RXFP1: variants seen among roughly 807,000 people sequenced by gnomAD.
RXFP1 encodes the protein relaxin family peptide receptor 1, also known as relaxin receptor 1.
In RXFP1, 73 loss-of-function variants were observed where a neutral mutation model predicts 89.8. That is an observed-to-expected ratio of 0.81 (90% CI 0.67 to 0.99). The LOEUF (loss-of-function observed/expected upper bound fraction) is 0.99, where lower values mean the gene tolerates loss of function less well. RXFP1 is among the 50% of genes least tolerant of loss of function. The pLI is 0.00. For synonymous variants in RXFP1, 277 were observed against 305.5 expected (o/e 0.91, Z 0.97); for missense variants, 793 against 895.5 (o/e 0.89, Z 1.46).
chr4:158,541,885 T>C (rs528938633), intron 1 of RXFP1, among the ~76,000 whole-genome samples: 10 of 151,748 alleles, frequency 6.6e-5, no homozygotes, highest in African/African-American at 2.4e-4. Flanking sequence ...TTACATCCTT[T>C]ATGCGGGGTG....
At chr4:158,638,810 TC>T (rs1769754023) in intron 13 of RXFP1, among the ~76,000 whole-genome samples, 2 of 26,810 alleles carry the variant, frequency 7.5e-5, no homozygotes, top group African/African-American at 1.4e-4. Flanking sequence ...AGACCCTGTC[TC>T]AAAAAAAAAA....
chr4:158,536,375 T>G (rs4691510), intron 1 of RXFP1, among the ~76,000 whole-genome samples: 141,259 of 152,122 alleles, frequency 0.93, 66,454 homozygotes, highest in East Asian at 1. Flanking sequence ...CCTTTATAAA[T>G]GACACCTTAA....
chr4:158,556,580 A>C (rs1261683442), intron 1 of RXFP1, among the ~76,000 whole-genome samples: 1 of 152,208 alleles, frequency 6.6e-6, no homozygotes, highest in East Asian at 1.9e-4. Flanking sequence ...CAAAGGAAAT[A>C]AAATCAGTAT....
chr4:158,599,072 C>T (rs553737925), intron 3 of RXFP1, among the ~76,000 whole-genome samples: 1 of 150,874 alleles, frequency 6.6e-6, no homozygotes, highest in South Asian at 2.1e-4. Flanking sequence ...GAATGGAGAA[C>T]AGTCTGCTTT....
rs369412797 is a variant in RXFP1 at position 158,622,029 on chromosome 4, G to A, written c.756-4791G>A. 3.9e-5 allele frequency among the ~76,000 whole-genome samples: 6 copies of A among 152,314 alleles called. No individual in the cohort carries two copies. In the South Asian group the frequency reaches 6.2e-4, roughly 16 times the overall value. On this transcript the variant is annotated intron_variant, in intron 9 of 17. Transcript: ENST00000307765. ...AGCTTCCTCTAAAAATTAAAAATAG[G>A]ACCAGGTGCGGTGGCTTACGCCTGT...
Position 158,637,121 on chromosome 4 carries a change from A to G in RXFP1, c.972-887A>G, listed in dbSNP as rs1003747081. Reference sequence around the variant, plus strand: ...ATAGTATTCTATTGTGTATGTATACATATTTTTTTATCAAGTCATCCTTTG... The same window carrying G: ...ATAGTATTCTATTGTGTATGTATACGTATTTTTTTATCAAGTCATCCTTTG... On this transcript the variant is annotated intron_variant, in intron 12 of 17. Coordinates refer to ENST00000307765, the MANE Select transcript of RXFP1 (RefSeq NM_021634.4). 5.3e-5 allele frequency among the ~76,000 whole-genome samples: 8 copies of G among 152,140 alleles called. No individual in the cohort carries two copies. The East Asian group carries it at 1.5e-3, about 29-fold the overall frequency.
chr4:158,652,569 G>C lies in RXFP1; in HGVS notation c.*514G>C, dbSNP rs1263359155. 6.6e-6 allele frequency: 1 copy of C among 152,176 alleles called. No individual in the cohort carries two copies. Among genetic ancestry groups the C allele is most frequent in the Admixed American group, 6.5e-5 (1 of 15,276 alleles). 9.4% of individuals were successfully genotyped at this position (152,176 alleles called of 1,614,324 possible). ...CATCATAGAAAATGTCTGACTGTTT[G>C]CAAAATAATATTCTGTTTTAAGAAT... On this transcript the variant is annotated 3_prime_UTR_variant, in exon 18 of 18. Coordinates refer to ENST00000307765, the MANE Select transcript of RXFP1 (RefSeq NM_021634.4).
intron 8 of RXFP1, among the ~76,000 whole-genome samples, chr4:158,616,047 G>C (rs1449293457): frequency 6.6e-6 from 1 of 152,212 alleles, no homozygotes; most frequent in Non-Finnish European, 1.5e-5. Flanking sequence ...GGCATTCATA[G>C]ACTTGCTCAA....
Position 158,616,313 on chromosome 4 carries a change from C to A in RXFP1, c.681-818C>A, listed in dbSNP as rs577453506. ...GCATCGTGGCAGGCGTCTGTAATCC[C>A]AGCTACTCAGGAGGCTGAGGCAGGA... On this transcript the variant is annotated intron_variant, in intron 8 of 17. Transcript: ENST00000307765. Among the ~76,000 whole-genome samples, 8 of 152,142 alleles carry A rather than the reference C, an allele frequency of 5.3e-5. No individual in the cohort carries two copies. In the East Asian group the frequency reaches 1.6e-3, roughly 29 times the overall value.
At chr4:158,626,132 A>C (rs1047255326) in intron 9 of RXFP1, among the ~76,000 whole-genome samples, 5 of 143,890 alleles carry the variant, frequency 3.5e-5, no homozygotes, top group African/African-American at 1.3e-4. Context: ...AGATAGATAG[A>C]TAGATAGATA....
At chr4:158,638,279 A>G (rs1769618204) in intron 13 of RXFP1, among the ~76,000 whole-genome samples, 200 bp downstream of exon 13, 2 of 152,190 alleles carry the variant, frequency 1.3e-5, no homozygotes, top group Admixed American at 1.3e-4. Context: ...ATTAAAAAAT[A>G]ATGATGAATT....
intron 1 of RXFP1, 101 bp from the exon 2 acceptor site, chr4:158,572,597 G>A: frequency 9.2e-7 from 1 of 1,092,792 alleles, no homozygotes. Context: ...AAACCATGAT[G>A]AGAAAGACAA....
At chr4:158,563,037 T>C (rs1178432650) in intron 1 of RXFP1, among the ~76,000 whole-genome samples, 1 of 152,198 alleles carries the variant, frequency 6.6e-6, no homozygotes, top group Non-Finnish European at 1.5e-5. Context: ...TTTGTGATGA[T>C]GTTTCTTTAT....
chr4:158,624,583 A>G (rs1766326644), intron 9 of RXFP1, among the ~76,000 whole-genome samples: 1 of 152,168 alleles, frequency 6.6e-6, no homozygotes, highest in African/African-American at 2.4e-5. Context: ...AGTAAAAAAT[A>G]GAAATAAAAA....
intron 8 of RXFP1, among the ~76,000 whole-genome samples, chr4:158,613,306 G>T (rs1486748696): frequency 4.6e-5 from 7 of 152,000 alleles, no homozygotes; most frequent in Non-Finnish European, 1.0e-4. Flanking sequence ...TAACAATGAG[G>T]TTTGCTACAT....
intron 11 of RXFP1, 29 bp from the exon 12 acceptor site, chr4:158,633,376 A>G (rs1580230818): frequency 7.3e-7 from 1 of 1,369,170 alleles, no homozygotes; most frequent in South Asian, 1.2e-5. Flanking sequence ...TAAGAAAATA[A>G]TATCACATAT....
intron 1 of RXFP1, among the ~76,000 whole-genome samples, chr4:158,540,612 A>T (rs1490544461): frequency 6.7e-6 from 1 of 149,624 alleles, no homozygotes; most frequent in Non-Finnish European, 1.5e-5. Context: ...CTGGGAATGC[A>T]GCCTACTAGA....
chr4:158,550,444 G>A lies in RXFP1; in HGVS notation c.50-22254G>A, dbSNP rs1036434786. ...CCCTGCTTCGGCTCACACCTGGTGCGCTGCACCCAGTGACCTGCACCCACT... is the reference window on the plus strand; with the variant it reads ...CCCTGCTTCGGCTCACACCTGGTGCACTGCACCCAGTGACCTGCACCCACT... On this transcript the variant is annotated intron_variant, in intron 1 of 17. Coordinates refer to ENST00000307765, the MANE Select transcript of RXFP1 (RefSeq NM_021634.4). Among the ~76,000 whole-genome samples the A allele has an allele frequency of 6.6e-5, 10 of 152,296 alleles. No homozygotes were observed. In the East Asian group the frequency reaches 7.7e-4, roughly 12 times the overall value.
intron 1 of RXFP1, among the ~76,000 whole-genome samples, chr4:158,536,357 T>G (rs1579399307): frequency 6.6e-6 from 1 of 152,230 alleles, no homozygotes; most frequent in East Asian, 1.9e-4. Context: ...TTTTCTCATT[T>G]GTATTTTCCT....
Sources: gnomAD v4.1 joint callset for allele counts (sites outside exome capture counted in the v4.1 genomes callset) on GRCh38, gnomAD v4.1.1 for gene constraint, MANE v1.5 for transcripts, NCBI Gene and HGNC (gene_info 2026-07-23, HGNC 2026-07-21) for gene names.